The following TOPAZ1 variants were observed in gnomAD, a reference collection of about 807,000 sequenced individuals.
TOPAZ1 encodes testis and ovary specific TOPAZ 1.
TOPAZ1 carries 66 observed loss-of-function variants against 172.2 expected under a neutral mutation model. The observed-to-expected ratio is 0.38, with a 90% confidence interval of 0.31 to 0.47. The LOEUF is 0.47. TOPAZ1 is among the 20% of genes least tolerant of loss of function. The probability of loss-of-function intolerance (pLI) is 0.99; values close to 1 mark genes in which losing one functional copy is unlikely to be tolerated. For synonymous variants in TOPAZ1, 681 were observed against 683.9 expected, an observed-to-expected ratio of 1.00 and a Z score of 0.07; for missense variants, 1,822 against 1,972.4, an observed-to-expected ratio of 0.92 and a Z score of 1.44.
chr3:44,276,072 G>A (rs1014091811), intron 8 of TOPAZ1, among the ~76,000 whole-genome samples: 1 of 152,080 alleles, frequency 6.6e-6, no homozygotes, highest in Non-Finnish European at 1.5e-5. Flanking sequence ...CTGTTGAATT[G>A]TTTGAGTTCC....
rs1234602643 is a variant in TOPAZ1 at position 44,317,864 on chromosome 3, G to T, written c.4307-3163G>T. 3.3e-5 allele frequency among the ~76,000 whole-genome samples: 5 copies of T among 152,164 alleles called. No homozygotes were observed. The East Asian group carries it at 9.6e-4, about 29-fold the overall frequency. On this transcript the variant is annotated intron_variant, in intron 16 of 19. Coordinates refer to ENST00000309765, the MANE Select transcript of TOPAZ1 (RefSeq NM_001145030.2). ...AATATTCATAAAAGTATTTATGTTGGTAGAATTGTGAACTAGCTAGATTAA... is the reference window on the plus strand; with the variant it reads ...AATATTCATAAAAGTATTTATGTTGTTAGAATTGTGAACTAGCTAGATTAA...
rs141898308 is a variant in TOPAZ1, at chr3:44,248,324, A to T, written c.2765+3053A>T. On this transcript the variant is annotated intron_variant, in intron 2 of 19. Coordinates refer to ENST00000309765, the MANE Select transcript of TOPAZ1 (RefSeq NM_001145030.2). ...GTGTGCAGTATCAAGTGTTTATTTC[A>T]GATAGCTTTTTTGTTACTATCTTTG... 4.1e-3 allele frequency among the ~76,000 whole-genome samples: 624 copies of T among 152,302 alleles called. 9 individuals are homozygous for T. Among genetic ancestry groups the T allele is most frequent in the African/African-American group, 0.014 (596 of 41,558 alleles).
intron 8 of TOPAZ1, among the ~76,000 whole-genome samples, chr3:44,280,752 T>G (rs1269451690): frequency 1.3e-5 from 2 of 152,204 alleles, no homozygotes; most frequent in East Asian, 3.9e-4. Flanking sequence ...CTGGTTCTGG[T>G]GGGGGCGCTG....
chr3:44,263,445 A>G (rs1361826743), intron 5 of TOPAZ1, among the ~76,000 whole-genome samples: 1 of 152,238 alleles, frequency 6.6e-6, no homozygotes, highest in Non-Finnish European at 1.5e-5. Flanking sequence ...CTGATCAAAA[A>G]TAAAAAATAG....
chr3:44,241,952 G>GT lies in TOPAZ1; in HGVS notation c.-101dup. ...TGTGGTGACTGGCGGTGTGGGGTGG[G>GT]TCAGAGGGCAGTAGGTACCTCCAGG... On this transcript the variant is annotated 5_prime_UTR_variant, in exon 1 of 20. Transcript: ENST00000309765. 1 of 1,130,022 alleles carries GT rather than the reference G, an allele frequency of 8.8e-7. No individual in the cohort carries two copies. Among genetic ancestry groups the GT allele is most frequent in the South Asian group, 1.4e-5 (1 of 69,066 alleles). The allele number at this position is 1,130,022 out of a possible 1,614,324, so 70.0% of individuals were successfully genotyped here. A position where few individuals can be genotyped will look rare whatever the true frequency, so the allele number is the denominator to read the frequency against.
At chr3:44,281,881 T>C (rs868401221) in intron 8 of TOPAZ1, 87 bp from the exon 9 acceptor site, 1 of 792,802 alleles carries the variant, frequency 1.3e-6, no homozygotes, top group South Asian at 2.1e-5. Flanking sequence ...AAAATTTCAA[T>C]ATAAGCAAAA....
downstream of TOPAZ1, among the ~76,000 whole-genome samples, chr3:44,336,514 G>T (rs1040791937): frequency 6.6e-6 from 1 of 152,228 alleles, no homozygotes; most frequent in African/African-American, 2.4e-5. Flanking sequence ...AGACAGGGCC[G>T]TGGATGGCTT....
intron 12 of TOPAZ1, among the ~76,000 whole-genome samples, chr3:44,295,225 C>T (rs1418774533): frequency 1.3e-5 from 2 of 152,132 alleles, no homozygotes; most frequent in Non-Finnish European, 2.9e-5. Context: ...TGAAAACACA[C>T]CTCTATCAAT....
chr3:44,309,954 A>ATTT lies in TOPAZ1; in HGVS notation c.4270_4271insTTT (p.Ser1424delinsIleCys), dbSNP rs1399722925. 6.4e-7 allele frequency: 1 copy of ATTT among 1,551,458 alleles called. No homozygotes were observed. Among genetic ancestry groups the ATTT allele is most frequent in the Non-Finnish European group, 8.7e-7 (1 of 1,146,954 alleles). On this transcript the variant is annotated protein_altering_variant, in exon 16 of 20. Transcript: ENST00000309765. Reference sequence around the variant, plus strand: ...TGTTGCAGCAGAAATTTTTCTAAAAAGTGGAAGCCTAGATGGTGCCATTTG... The same window carrying ATTT: ...TGTTGCAGCAGAAATTTTTCTAAAAATTTGTGGAAGCCTAGATGGTGCCATTTG...
rs868002717 is a variant in TOPAZ1, at chr3:44,243,516, C to G, written c.1010C>G (p.Ser337Cys). ...GRKPRKRMKLSEKADETVTEM... is the reference protein window; with the variant it reads ...GRKPRKRMKLCEKADETVTEM... ...AAACCCAGGAAAAGGATGAAGTTGTCTGAAAAAGCAGATGAAACAGTTACT... is the reference window on the plus strand; with the variant it reads ...AAACCCAGGAAAAGGATGAAGTTGTGTGAAAAAGCAGATGAAACAGTTACT... Residue 337 changes from serine (S) to cysteine (C), a missense_variant, in exon 2 of 20, where the codon TCT (serine) becomes TGT (cysteine). This residue lies in a region of TOPAZ1 where 1,489 missense variants were observed against 1,490.8 expected (regional missense o/e 1.00). Coordinates refer to ENST00000309765, the MANE Select transcript of TOPAZ1 (RefSeq NM_001145030.2). 1.3e-6 allele frequency: 2 copies of G among 1,551,430 alleles called. No homozygotes were observed. The highest frequency in any genetic ancestry group is 1.4e-5 in the African/African-American group (1 of 73,022).
At chr3:44,300,201 G>A (rs1700254768) in intron 12 of TOPAZ1, among the ~76,000 whole-genome samples, 1 of 152,088 alleles carries the variant, frequency 6.6e-6, no homozygotes, top group African/African-American at 2.4e-5. Flanking sequence ...GGGAGGCCGA[G>A]GTGGGCAGAT....
chr3:44,284,985 A>G (rs953884525), intron 9 of TOPAZ1, among the ~76,000 whole-genome samples: 1 of 152,226 alleles, frequency 6.6e-6, no homozygotes, highest in African/African-American at 2.4e-5. Flanking sequence ...TAATGAGTCC[A>G]ATCAGCTATT....
chr3:44,306,283 A>C, intron 14 of TOPAZ1, 43 bp from the exon 15 acceptor site: 1 of 1,282,690 alleles, frequency 7.8e-7, no homozygotes. Context: ...CATCATTTTA[A>C]GTGACTATTT....
At chr3:44,299,395 C>T (rs891723730) in intron 12 of TOPAZ1, among the ~76,000 whole-genome samples, 2 of 152,012 alleles carry the variant, frequency 1.3e-5, no homozygotes, top group African/African-American at 4.8e-5. Context: ...ATCAAAACCA[C>T]AATGAGATAC....
rs557614641 is a variant in TOPAZ1 at position 44,243,318 on chromosome 3, A to G, written c.812A>G (p.Lys271Arg). ...GAAAACCTTAGGAGTCTTGCAGAGAAGAGTGACACAAATAGTATTCCTCAG... is the reference window on the plus strand; with the variant it reads ...GAAAACCTTAGGAGTCTTGCAGAGAGGAGTGACACAAATAGTATTCCTCAG... The part of the protein sequence containing the change: ...KKENLRSLAE[K>R]SDTNSIPQLL... The change falls in exon 2 of 20, where the codon AAG becomes AGG. Residue 271 changes from lysine to arginine, a missense_variant. Around this residue, in one of 2 missense-constraint regions of TOPAZ1, gnomAD observed 1,489 missense variants for 1,490.8 expected, o/e 1.00. Coordinates refer to ENST00000309765, the MANE Select transcript of TOPAZ1 (RefSeq NM_001145030.2). 10 of 1,551,544 alleles carry G rather than the reference A, an allele frequency of 6.4e-6. No individual in the cohort carries two copies. Among genetic ancestry groups the G allele is most frequent in the Non-Finnish European group, 7.8e-6 (9 of 1,146,932 alleles).
At chr3:44,323,056 TA>T in intron 17 of TOPAZ1, 35 bp from the exon 18 acceptor site, 1 of 1,387,550 alleles carries the variant, frequency 7.2e-7, no homozygotes, top group Non-Finnish European at 9.8e-7. Flanking sequence ...CACTTTAATA[TA>T]AATGAATTTT....
intron 17 of TOPAZ1, among the ~76,000 whole-genome samples, chr3:44,321,679 T>C (rs1254569636): frequency 6.6e-6 from 1 of 152,224 alleles, no homozygotes. Flanking sequence ...GAATGAGCTA[T>C]GTGATAGGTT....
intron 3 of TOPAZ1, among the ~76,000 whole-genome samples, chr3:44,255,450 A>G (rs1699686889): frequency 6.6e-6 from 1 of 151,994 alleles, no homozygotes; most frequent in Non-Finnish European, 1.5e-5. Context: ...CAGGAGATCG[A>G]GACCATCCTG....
intron 2 of TOPAZ1, among the ~76,000 whole-genome samples, chr3:44,249,854 G>T (rs1699609499): frequency 6.6e-6 from 1 of 152,110 alleles, no homozygotes; most frequent in Admixed American, 6.5e-5. Context: ...TATAAGTAGG[G>T]TGATGCTAGA....
Sources: allele counts gnomAD v4.1 joint callset (sites outside exome capture counted in the v4.1 genomes callset), GRCh38; gene constraint gnomAD v4.1.1; regional missense constraint gnomAD v4.1.1; transcripts MANE v1.5; gene names NCBI Gene and HGNC (gene_info 2026-07-23, HGNC 2026-07-21).